Variants in TRAPPC12 observed in about 807,000 individuals in gnomAD.
TRAPPC12 encodes the protein TPR repeat protein 15.
TRAPPC12 carries 61 observed loss-of-function variants against 69.2 expected under a neutral mutation model. That is an observed-to-expected ratio of 0.88 (90% CI 0.72 to 1.09). The LOEUF is 1.09. Ranked by LOEUF, TRAPPC12 falls within the 50% of genes least tolerant of loss-of-function variation. The probability of loss-of-function intolerance (pLI) is 0.00; values close to 1 mark genes in which losing one functional copy is unlikely to be tolerated. For synonymous variants in TRAPPC12, 469 were observed against 438.9 expected (o/e 1.07, Z -0.86); for missense variants, 1,101 against 1,016.4 (o/e 1.08, Z -1.13).
At chr2:3,472,165 G>A (rs76755429) in intron 9 of TRAPPC12, among the ~76,000 whole-genome samples, 5,233 of 152,226 alleles carry the variant, frequency 0.034, 146 homozygotes, top group Non-Finnish European at 0.044. Context: ...ACCTCTGACC[G>A]AGTTCCCAGA....
intron 3 of TRAPPC12, among the ~76,000 whole-genome samples, chr2:3,402,946 C>T (rs1237062159): frequency 6.6e-6 from 1 of 152,180 alleles, no homozygotes; most frequent in Non-Finnish European, 1.5e-5. Flanking sequence ...TTAGTGGGCA[C>T]ACTTTCTTGA....
chr2:3,462,993 T>C lies in TRAPPC12; in HGVS notation c.1678-2604T>C, dbSNP rs766032991. 3.2e-5 allele frequency: 15 copies of C among 469,626 alleles called. 1 individual carries two copies. Among genetic ancestry groups the C allele is most frequent in the South Asian group, 2.3e-4 (15 of 64,512 alleles). The allele number at this position is 469,626 out of a possible 1,614,324, so 29.1% of individuals were successfully genotyped here. On this transcript the variant is annotated intron_variant, in intron 8 of 11. Transcript: ENST00000324266. ...GCTGGTTGCAGAATGGTTGTAAATC[T>C]AGTTTCACGGCCTGTAAACACGTGT...
At chr2:3,472,762 A>G (rs1401956452) in intron 9 of TRAPPC12, among the ~76,000 whole-genome samples, 1 of 152,210 alleles carries the variant, frequency 6.6e-6, no homozygotes, top group Admixed American at 6.5e-5. Context: ...TACAGCTGCT[A>G]AATTAAAAAC....
At chr2:3,463,873 C>T (rs965025429) in intron 8 of TRAPPC12, among the ~76,000 whole-genome samples, 1 of 152,104 alleles carries the variant, frequency 6.6e-6, no homozygotes, top group South Asian at 2.1e-4. Flanking sequence ...GATGGGTGCT[C>T]GGAAGCCTAC....
chr2:3,455,536 T>C (rs1665100058), intron 6 of TRAPPC12: 1 of 152,192 alleles, frequency 6.6e-6, no homozygotes, highest in East Asian at 1.9e-4. Context: ...ACCATCCTCC[T>C]GCTCTCCATC....
chr2:3,458,135 TG>T (rs1665281463), intron 7 of TRAPPC12: 1 of 1,017,542 alleles, frequency 9.8e-7, no homozygotes, highest in Admixed American at 5.1e-5. Flanking sequence ...GCCCAGAGCC[TG>T]GGGCAGGCTG....
intron 2 of TRAPPC12, among the ~76,000 whole-genome samples, chr2:3,392,804 A>G (rs1660896610): frequency 6.6e-6 from 1 of 152,260 alleles, no homozygotes; most frequent in Non-Finnish European, 1.5e-5. Context: ...TGGAGCTACC[A>G]TATGATCTAA....
chr2:3,395,176 G>A (rs1198816802), intron 2 of TRAPPC12, among the ~76,000 whole-genome samples: 2 of 152,118 alleles, frequency 1.3e-5, no homozygotes, highest in African/African-American at 4.8e-5. Flanking sequence ...TGTATCCATG[G>A]TATAGTCAAC....
At chr2:3,459,640 G>A (rs536374324) in intron 7 of TRAPPC12, among the ~76,000 whole-genome samples, 16 of 152,328 alleles carry the variant, frequency 1.1e-4, no homozygotes, top group South Asian at 2.1e-4. Context: ...TCAGGGTCGC[G>A]GTCAGCCACC....
chr2:3,457,937 C>T, intron 7 of TRAPPC12: 2 of 1,392,918 alleles, frequency 1.4e-6, no homozygotes, highest in Non-Finnish European at 1.9e-6. Context: ...GCCTTCACCA[C>T]AAAAGCACAC....
At chr2:3,425,536 A>T (rs911401196) in intron 5 of TRAPPC12, among the ~76,000 whole-genome samples, 2 of 152,174 alleles carry the variant, frequency 1.3e-5, no homozygotes, top group Non-Finnish European at 2.9e-5. Flanking sequence ...TAAAGATCAA[A>T]TGATGTCACG....
At chr2:3,443,961 C>T in intron 6 of TRAPPC12, 70 bp downstream of exon 6, 25 of 1,208,136 alleles carry the variant, frequency 2.1e-5, no homozygotes, top group Non-Finnish European at 2.9e-5. Flanking sequence ...ACAGGACATG[C>T]CCGTGCTGTT....
rs750533474 is a variant in TRAPPC12, at chr2:3,457,138, T to C, written c.1531-483T>C. 3.2e-5 allele frequency: 15 copies of C among 464,296 alleles called. 1 individual carries two copies. Among genetic ancestry groups the C allele is most frequent in the South Asian group, 2.2e-4 (14 of 64,536 alleles). The allele number at this position is 464,296 out of a possible 1,614,324, so 28.8% of individuals were successfully genotyped here. On this transcript the variant is annotated intron_variant, in intron 6 of 11. Coordinates refer to ENST00000324266, the MANE Select transcript of TRAPPC12 (RefSeq NM_016030.6). Reference sequence around the variant, plus strand: ...CAGCCGTAAAAAAAGAACCAAATCATGTTGTTTGCAGCAACATGGATACAG... The same window carrying C: ...CAGCCGTAAAAAAAGAACCAAATCACGTTGTTTGCAGCAACATGGATACAG...
At chr2:3,380,533 T>C (rs1044167157) in intron 1 of TRAPPC12, among the ~76,000 whole-genome samples, 3 of 152,228 alleles carry the variant, frequency 2.0e-5, no homozygotes, top group Non-Finnish European at 2.9e-5. Flanking sequence ...AAAATTTTCT[T>C]GGACCTACGG....
intron 3 of TRAPPC12, among the ~76,000 whole-genome samples, chr2:3,415,067 C>T (rs919289428): frequency 5.9e-5 from 9 of 152,070 alleles, no homozygotes; most frequent in African/African-American, 9.7e-5. Context: ...AACCGGTCCC[C>T]GGCAGATAGA....
chr2:3,446,878 C>T (rs1664538399), intron 6 of TRAPPC12, among the ~76,000 whole-genome samples: 1 of 152,196 alleles, frequency 6.6e-6, no homozygotes, highest in Non-Finnish European at 1.5e-5. Flanking sequence ...AGGTTTGCAG[C>T]CATCACCAAT....
chr2:3,469,950 T>C (rs112590990), intron 9 of TRAPPC12, among the ~76,000 whole-genome samples: 12 of 152,364 alleles, frequency 7.9e-5, no homozygotes, highest in Admixed American at 2.0e-4. Context: ...TCTACTCTTA[T>C]GTGCATGGAG....
In TRAPPC12 at chr2:3,388,382, G is replaced by A; in HGVS notation, c.759G>A (p.Val253=). 1 of 1,603,536 alleles carries A rather than the reference G, an allele frequency of 6.2e-7. No individual in the cohort carries two copies. The highest frequency in any genetic ancestry group is 1.1e-5 in the South Asian group (1 of 89,850). The stretch of plus-strand genomic sequence containing the variant: ...CCGCCAGCCCGCCTCCCCTCGCTGT[G>A]CCCGGGACCGAGGGGCGCCCCGAAC... ...PAPASPPPLA[V]PGTEGRPEPV... is the part of the protein sequence containing the mutation. Residue 253 remains valine, a synonymous_variant, in exon 2 of 12, where the codon GTG becomes GTA. Transcript: ENST00000324266.
At chr2:3,390,093 C>A (rs999355343) in intron 2 of TRAPPC12, among the ~76,000 whole-genome samples, 3 of 152,162 alleles carry the variant, frequency 2.0e-5, no homozygotes, top group Admixed American at 2.0e-4. Context: ...GGTTCTCAGT[C>A]CCTTACGTGG....
Sources: allele counts gnomAD v4.1 joint callset (sites outside exome capture counted in the v4.1 genomes callset), GRCh38; gene constraint gnomAD v4.1.1; transcripts MANE v1.5; gene names NCBI Gene and HGNC (gene_info 2026-07-23, HGNC 2026-07-21).